TYW1: variants seen among roughly 807,000 people sequenced by gnomAD.
The protein encoded by TYW1 is S-adenosyl-L-methionine-dependent tRNA 4-demethylwyosine synthase TYW1.
Under a neutral mutation model 96.2 loss-of-function variants are expected in TYW1, and 46 were observed. The ratio of observed to expected loss-of-function variants is 0.48; its 90% CI spans 0.38 to 0.61. The LOEUF (loss-of-function observed/expected upper bound fraction) is 0.61. TYW1 is among the 20% of genes least tolerant of loss of function. The pLI is 0.00. For missense variants in TYW1, 684 were observed against 909.6 expected (o/e 0.75, Z 3.19); for synonymous variants, 274 against 323.0 (o/e 0.85, Z 1.63).
intron 13 of TYW1, among the ~76,000 whole-genome samples, chr7:67,119,050 A>G (rs1797686264): frequency 6.6e-6 from 1 of 152,086 alleles, no homozygotes; most frequent in Non-Finnish European, 1.5e-5. Context: ...GTGTGTTTTC[A>G]TATGGCATAC....
chr7:67,184,639 TTTATTTTATTTATGTTATGTTATG>T (rs1799950978), intron 14 of TYW1, among the ~76,000 whole-genome samples: 1 of 45,900 alleles, frequency 2.2e-5, no homozygotes, highest in East Asian at 4.9e-4. Context: ...TTTATTTTAT[TTTATTTTATTTATGTTATGTTATG>T]TTATGTTATG....
chr7:67,017,738 C>T (rs767587934), intron 5 of TYW1, 115 bp from the exon 6 acceptor site: 50 of 1,423,798 alleles, frequency 3.5e-5, no homozygotes, highest in Non-Finnish European at 4.3e-5. Flanking sequence ...TTTCCTCTTC[C>T]TTAGCGGCAG....
intron 10 of TYW1, among the ~76,000 whole-genome samples, chr7:67,078,714 A>T (rs1021958207): frequency 2.0e-5 from 3 of 151,688 alleles, no homozygotes; most frequent in Admixed American, 2.0e-4. Context: ...TTTCTTTGAG[A>T]CAGAGTCTCG....
intron 14 of TYW1, among the ~76,000 whole-genome samples, chr7:67,191,470 T>C (rs1468461520): frequency 6.6e-6 from 1 of 151,938 alleles, no homozygotes; most frequent in Non-Finnish European, 1.5e-5. Flanking sequence ...ATCACCACGC[T>C]GTACCCATCT....
intron 10 of TYW1, among the ~76,000 whole-genome samples, chr7:67,078,068 G>A (rs1796259269): frequency 6.6e-6 from 1 of 151,786 alleles, no homozygotes; most frequent in Admixed American, 6.6e-5. Flanking sequence ...TTTGGTTACA[G>A]TAGGTTTATA....
intron 13 of TYW1, among the ~76,000 whole-genome samples, chr7:67,157,579 C>T (rs1799024123): frequency 6.6e-6 from 1 of 152,206 alleles, no homozygotes; most frequent in African/African-American, 2.4e-5. Context: ...AGCCACCGTG[C>T]CCGGCCTATG....
At position 66,996,906 on chromosome 7, in the gene TYW1, G is replaced by T. The variant is rs1228166979; in HGVS notation, c.-73G>T. 1 of 1,610,346 alleles carries T rather than the reference G, an allele frequency of 6.2e-7. No individual in the cohort carries two copies. Among genetic ancestry groups the T allele is most frequent in the East Asian group, 2.2e-5 (1 of 44,768 alleles). ...CTAACGCGGCGAGGTAGCTCGGTGCGTCTCGCGGTACCAGTGCGAATCATC... is the reference window on the plus strand; with the variant it reads ...CTAACGCGGCGAGGTAGCTCGGTGCTTCTCGCGGTACCAGTGCGAATCATC... On this transcript the variant is annotated 5_prime_UTR_variant, in exon 1 of 16. Coordinates refer to ENST00000359626, the MANE Select transcript of TYW1 (RefSeq NM_018264.4).
intron 13 of TYW1, among the ~76,000 whole-genome samples, chr7:67,149,806 A>G (rs1798742695): frequency 6.6e-6 from 1 of 151,692 alleles, no homozygotes; most frequent in African/African-American, 2.4e-5. Context: ...GGGATATATC[A>G]TCATTCATTT....
chr7:67,083,709 G>A (rs543464776), intron 11 of TYW1, among the ~76,000 whole-genome samples, 170 bp downstream of exon 11: 15 of 152,278 alleles, frequency 9.9e-5, no homozygotes, highest in African/African-American at 2.2e-4. Flanking sequence ...TAGCTTTTAC[G>A]TCCCATATGA....
At chr7:67,025,669 A>G (rs1388765859) in intron 7 of TYW1, among the ~76,000 whole-genome samples, 8 of 152,108 alleles carry the variant, frequency 5.3e-5, no homozygotes, top group African/African-American at 1.4e-4. Context: ...GGAAATACCA[A>G]TCTGGGATGT....
intron 12 of TYW1, among the ~76,000 whole-genome samples, chr7:67,112,092 C>CT (rs1361634092): frequency 1.4e-4 from 13 of 94,056 alleles, no homozygotes; most frequent in South Asian, 6.6e-4. Context: ...GAGCGAGACT[C>CT]TGTCTGACAA....
intron 12 of TYW1, among the ~76,000 whole-genome samples, chr7:67,105,487 G>A (rs116680796): frequency 0.03 from 4,575 of 152,188 alleles, 203 homozygotes; most frequent in African/African-American, 0.1. Flanking sequence ...TGGAGCCAAC[G>A]CTGAAAAACC....
chr7:67,067,184 T>C (rs1795892508), intron 9 of TYW1, 101 bp from the exon 10 acceptor site: 1 of 1,315,594 alleles, frequency 7.6e-7, no homozygotes, highest in African/African-American at 1.4e-5. Context: ...GGAGTATTCA[T>C]GGTTACGAAA....
chr7:67,131,664 G>A (rs546364951), intron 13 of TYW1, among the ~76,000 whole-genome samples: 2 of 152,202 alleles, frequency 1.3e-5, no homozygotes, highest in South Asian at 2.1e-4. Context: ...GAATTGACTC[G>A]CACTATCACA....
At chr7:67,007,223 C>G (rs1276676050) in intron 3 of TYW1, among the ~76,000 whole-genome samples, 1 of 151,984 alleles carries the variant, frequency 6.6e-6, no homozygotes, top group Non-Finnish European at 1.5e-5. Flanking sequence ...TAGGGTGTAA[C>G]CAATTGGAAG....
At chr7:67,037,700 G>A (rs1232169762) in intron 7 of TYW1, among the ~76,000 whole-genome samples, 2 of 151,952 alleles carry the variant, frequency 1.3e-5, no homozygotes, top group Non-Finnish European at 2.9e-5. Flanking sequence ...TGGGTGCGGC[G>A]ACTCTGCCTG....
intron 15 of TYW1, among the ~76,000 whole-genome samples, chr7:67,216,202 C>G (rs1801193743): frequency 6.7e-6 from 1 of 149,294 alleles, no homozygotes; most frequent in African/African-American, 2.5e-5. Context: ...TCATCTAGGG[C>G]TGCTGCCTTC....
intron 10 of TYW1, among the ~76,000 whole-genome samples, chr7:67,081,072 T>C (rs1302576541): frequency 2.0e-5 from 3 of 151,418 alleles, no homozygotes; most frequent in Non-Finnish European, 4.4e-5. Context: ...ATTTTCATGA[T>C]GGTAATTATT....
intron 13 of TYW1, among the ~76,000 whole-genome samples, chr7:67,136,648 TGC>T (rs1371859291): frequency 4.5e-4 from 38 of 85,050 alleles, no homozygotes; most frequent in African/African-American, 2.6e-3. Flanking sequence ...GTTTATACAG[TGC>T]GTGTGTGTGT....
Sources: allele counts gnomAD v4.1 joint callset (sites outside exome capture counted in the v4.1 genomes callset), GRCh38; gene constraint gnomAD v4.1.1; transcripts MANE v1.5; gene names NCBI Gene and HGNC (gene_info 2026-07-23, HGNC 2026-07-21).